Variants in PLD5 observed in about 807,000 individuals in gnomAD.
PLD5 encodes phospholipase D family member 5.
A neutral mutation model predicts 61.1 loss-of-function variants in PLD5; 36 were observed. The ratio of observed to expected loss-of-function variants is 0.59; its 90% CI spans 0.45 to 0.78. The LOEUF is 0.78. Among genes scored for constraint, PLD5 ranks in the 30% least tolerant of loss-of-function variants. The pLI, the probability that PLD5 is intolerant of heterozygous loss-of-function variation, is 0.00. For missense variants in PLD5, 515 were observed against 644.4 expected (o/e 0.80, Z 2.17); for synonymous variants, 243 against 242.8 (o/e 1.00, Z -0.01).
chr1:242,486,224 T>C (rs1227865519), intron 1 of PLD5, among the ~76,000 whole-genome samples: 5 of 152,166 alleles, frequency 3.3e-5, no homozygotes, highest in African/African-American at 1.2e-4. Flanking sequence ...TGGGATCTAA[T>C]TAAACTAAAG....
At chr1:242,231,196 G>A (rs1671277927) in intron 4 of PLD5, among the ~76,000 whole-genome samples, 1 of 152,118 alleles carries the variant, frequency 6.6e-6, no homozygotes, top group Non-Finnish European at 1.5e-5. Flanking sequence ...GTAGCTGCCG[G>A]GGCACGTGCT....
chr1:242,099,449 C>T (rs974861362), intron 9 of PLD5, among the ~76,000 whole-genome samples: 8 of 152,140 alleles, frequency 5.3e-5, no homozygotes, highest in African/African-American at 1.9e-4. Flanking sequence ...TTAAAATATT[C>T]CAATACTCTC....
chr1:242,198,686 C>A (rs4356033), intron 5 of PLD5, among the ~76,000 whole-genome samples: 11 of 102,216 alleles, frequency 1.1e-4, no homozygotes, highest in African/African-American at 4.0e-4. Context: ...CCACTGGATT[C>A]TGAAAAGTCC....
At chr1:242,260,789 T>C (rs775027646) in intron 4 of PLD5, among the ~76,000 whole-genome samples, 93 of 152,300 alleles carry the variant, frequency 6.1e-4, no homozygotes, top group Non-Finnish European at 9.7e-4. Flanking sequence ...GGATTACATT[T>C]CTAAATAGGC....
At chr1:242,187,966 C>G (rs573198525) in intron 5 of PLD5, among the ~76,000 whole-genome samples, 2 of 152,066 alleles carry the variant, frequency 1.3e-5, no homozygotes, top group East Asian at 3.9e-4. Context: ...CTAGAGGTTT[C>G]TGAGTGCTAG....
At chr1:242,398,901 T>C (rs1178736401) in intron 1 of PLD5, among the ~76,000 whole-genome samples, 1 of 152,096 alleles carries the variant, frequency 6.6e-6, no homozygotes, top group Admixed American at 6.5e-5. Flanking sequence ...AGGATATAAT[T>C]TTAAGGATTG....
At chr1:242,180,266 A>T (rs1244015538) in intron 5 of PLD5, among the ~76,000 whole-genome samples, 2 of 152,180 alleles carry the variant, frequency 1.3e-5, no homozygotes, top group Admixed American at 1.3e-4. Flanking sequence ...TGTGTAAAAT[A>T]TCAATATAGG....
At chr1:242,291,386 G>A (rs1156665450) in intron 2 of PLD5, among the ~76,000 whole-genome samples, 3 of 152,164 alleles carry the variant, frequency 2.0e-5, no homozygotes, top group African/African-American at 4.8e-5. Context: ...TTGTTGGTCC[G>A]GAATTGTATG....
intron 2 of PLD5, among the ~76,000 whole-genome samples, chr1:242,333,291 TG>T (rs1166396367): frequency 2.0e-5 from 3 of 152,230 alleles, no homozygotes; most frequent in African/African-American, 4.8e-5. Flanking sequence ...AGGCTTCAGA[TG>T]AATTTGGGCT....
chr1:242,344,933 A>G (rs1660043592), intron 2 of PLD5, among the ~76,000 whole-genome samples: 1 of 152,222 alleles, frequency 6.6e-6, no homozygotes, highest in Non-Finnish European at 1.5e-5. Flanking sequence ...CGCTCTTCTT[A>G]CATGGCAGTG....
chr1:242,163,249 T>C (rs1449179062), intron 5 of PLD5, among the ~76,000 whole-genome samples: 2 of 148,966 alleles, frequency 1.3e-5, no homozygotes, highest in East Asian at 3.9e-4. Flanking sequence ...GTTCATGCCA[T>C]TCTCCTGCCT....
intron 1 of PLD5, among the ~76,000 whole-genome samples, chr1:242,413,158 G>T (rs974741089): frequency 3.9e-5 from 6 of 152,124 alleles, no homozygotes; most frequent in East Asian, 1.9e-4. Flanking sequence ...TCTGCCTCCA[G>T]TTCTGCTTTC....
At chr1:242,168,466 A>G (rs1666483148) in intron 5 of PLD5, among the ~76,000 whole-genome samples, 1 of 152,184 alleles carries the variant, frequency 6.6e-6, no homozygotes, top group Non-Finnish European at 1.5e-5. Flanking sequence ...ATAAGTAAGA[A>G]TATATATAAT....
intron 4 of PLD5, among the ~76,000 whole-genome samples, chr1:242,255,598 A>T (rs1672970305): frequency 6.6e-6 from 1 of 151,680 alleles, no homozygotes. Flanking sequence ...AAAGTATAAT[A>T]AAAAAAATTA....
At chr1:242,121,948 G>T (rs1662404507) in intron 6 of PLD5, among the ~76,000 whole-genome samples, 1 of 133,320 alleles carries the variant, frequency 7.5e-6, no homozygotes, top group South Asian at 3.0e-4. Context: ...TCATGGGGTG[G>T]GGGGAGGGGG....
intron 1 of PLD5, among the ~76,000 whole-genome samples, chr1:242,436,450 TTTAATATGTAA>T (rs1666000201): frequency 6.6e-6 from 1 of 152,158 alleles, no homozygotes; most frequent in Non-Finnish European, 1.5e-5. Context: ...GAGCAACTGT[TTTAATATGTAA>T]TTGTTCTTAG....
At chr1:242,279,013 A>G (rs1674566901) in intron 3 of PLD5, among the ~76,000 whole-genome samples, 1 of 152,206 alleles carries the variant, frequency 6.6e-6, no homozygotes, top group African/African-American at 2.4e-5. Flanking sequence ...GCTGAAGGTA[A>G]TCTACTGTTT....
chr1:242,258,956 ACT>A (rs1233298635), intron 4 of PLD5, among the ~76,000 whole-genome samples: 2 of 151,970 alleles, frequency 1.3e-5, no homozygotes, highest in African/African-American at 4.8e-5. Flanking sequence ...CAAACTCTGA[ACT>A]CTTTGAAGTT....
chr1:242,525,436 T>G (rs1016838266), upstream of PLD5, among the ~76,000 whole-genome samples: 3 of 152,194 alleles, frequency 2.0e-5, no homozygotes, highest in Admixed American at 6.5e-5. Flanking sequence ...TTCTTTTCTC[T>G]GTTTCTAGGC....
Sources: gnomAD v4.1 joint callset for allele counts (sites outside exome capture counted in the v4.1 genomes callset) on GRCh38, gnomAD v4.1.1 for gene constraint, MANE v1.5 for transcripts, NCBI Gene and HGNC (gene_info 2026-07-23, HGNC 2026-07-21) for gene names.